EPB41L3: variants seen among roughly 807,000 people sequenced by gnomAD.
The protein encoded by EPB41L3 is band 4.1-like protein 3.
A neutral mutation model predicts 127.1 loss-of-function variants in EPB41L3; 57 were observed. The ratio of observed to expected loss-of-function variants is 0.45; its 90% CI spans 0.36 to 0.56. The LOEUF (loss-of-function observed/expected upper bound fraction) is 0.56. Among genes scored for constraint, EPB41L3 ranks in the 20% least tolerant of loss-of-function variants. EPB41L3 has a pLI of 0.00. For missense variants in EPB41L3, 1,273 were observed against 1,372.2 expected, an observed-to-expected ratio of 0.93 and a Z score of 1.14; for synonymous variants, 572 against 549.5, an observed-to-expected ratio of 1.04 and a Z score of -0.57.
At chr18:5,500,195 G>C (rs1337167471) in intron 1 of EPB41L3, among the ~76,000 whole-genome samples, 4 of 152,066 alleles carry the variant, frequency 2.6e-5, no homozygotes, top group Non-Finnish European at 5.9e-5. Context: ...GCATTCCTTT[G>C]CTAAAATCAA....
chr18:5,572,843 G>A (rs2094297687), intron 3 of EPB41L3, among the ~76,000 whole-genome samples: 1 of 152,144 alleles, frequency 6.6e-6, no homozygotes, highest in Non-Finnish European at 1.5e-5. Flanking sequence ...CAAAGTGCTG[G>A]GATTACAGGC....
intron 8 of EPB41L3, among the ~76,000 whole-genome samples, chr18:5,431,007 G>T (rs140674426): frequency 6.6e-6 from 1 of 152,146 alleles, no homozygotes; most frequent in Non-Finnish European, 1.5e-5. Context: ...AGGGGCATAC[G>T]ATTTCTTTAA....
intron 16 of EPB41L3, among the ~76,000 whole-genome samples, chr18:5,402,204 C>G (rs555401980): frequency 6.7e-6 from 1 of 150,108 alleles, no homozygotes; most frequent in African/African-American, 2.4e-5. Flanking sequence ...AATCTCTATC[C>G]CACTGCATTT....
chr18:5,508,033 T>A (rs917929485), intron 1 of EPB41L3: 2 of 152,108 alleles, frequency 1.3e-5, no homozygotes, highest in Non-Finnish European at 2.9e-5. Context: ...CAGGACTTTC[T>A]CAGGAGGGAG....
At position 5,397,543 on chromosome 18, in the gene EPB41L3, A is replaced by C; in HGVS notation, c.2473-117T>G. The C allele has an allele frequency of 8.1e-7, 1 of 1,229,976 alleles. No homozygotes were observed. 76.2% of individuals were successfully genotyped at this position (1,229,976 alleles called of 1,614,324 possible). A position where few individuals can be genotyped will look rare whatever the true frequency, so the allele number is the denominator to read the frequency against. The stretch of plus-strand genomic sequence containing the variant: ...GCCAGCAGCAAGTGCTTATAACCAG[A>C]AACACTGACGAAAAATATAAATTAG... On this transcript the variant is annotated intron_variant, in intron 17 of 22. Coordinates refer to ENST00000341928, the MANE Select transcript of EPB41L3 (RefSeq NM_012307.5). This position sits in a 1 kb window ranked among gnomAD's most constrained non-coding sequence, Gnocchi z 4.1.
At chr18:5,526,176 A>T (rs893393956) in intron 1 of EPB41L3, among the ~76,000 whole-genome samples, 3 of 152,240 alleles carry the variant, frequency 2.0e-5, no homozygotes, top group Non-Finnish European at 4.4e-5. Flanking sequence ...AAGAGTAATA[A>T]CATCCAATTG....
intron 1 of EPB41L3, among the ~76,000 whole-genome samples, chr18:5,541,004 G>C (rs1235461973): frequency 6.7e-6 from 1 of 148,600 alleles, no homozygotes; most frequent in East Asian, 2.0e-4. Context: ...AGAATGGCGT[G>C]AACCCGGGAG....
At chr18:5,414,500 A>G (rs187779414) in intron 13 of EPB41L3, among the ~76,000 whole-genome samples, 23 of 152,338 alleles carry the variant, frequency 1.5e-4, no homozygotes, top group African/African-American at 5.3e-4. Flanking sequence ...ATAATACTAT[A>G]TACTCACAGG....
intron 12 of EPB41L3, among the ~76,000 whole-genome samples, chr18:5,419,416 A>G (rs2077201215): frequency 6.6e-6 from 1 of 152,250 alleles, no homozygotes; most frequent in South Asian, 2.1e-4. Context: ...GCCCAAACAG[A>G]AAAGTGTAAT....
At chr18:5,414,486 A>G (rs758854100) in intron 13 of EPB41L3, among the ~76,000 whole-genome samples, 31 of 152,318 alleles carry the variant, frequency 2.0e-4, no homozygotes, top group Non-Finnish European at 3.2e-4. Flanking sequence ...CACACCCTCA[A>G]CATATAATAC....
chr18:5,602,515 GCTCACCGTAGC>G (rs1568632256), intron 3 of EPB41L3, among the ~76,000 whole-genome samples: 2 of 152,146 alleles, frequency 1.3e-5, no homozygotes, highest in South Asian at 4.1e-4. Context: ...ATGCATCATA[GCTCACCGTAGC>G]CTCAAACTCC....
At chr18:5,468,277 G>A (rs112815140) in intron 3 of EPB41L3, among the ~76,000 whole-genome samples, 2,331 of 152,254 alleles carry the variant, frequency 0.015, 67 homozygotes, top group African/African-American at 0.052. Context: ...CAGGAGGCCG[G>A]CAGGCTCCTG....
intron 1 of EPB41L3, among the ~76,000 whole-genome samples, chr18:5,490,316 G>A (rs1355779778): frequency 6.6e-6 from 1 of 152,100 alleles, no homozygotes; most frequent in Non-Finnish European, 1.5e-5. Flanking sequence ...ATGAGCAAAG[G>A]ACTAGTGTAG....
intron 1 of EPB41L3, among the ~76,000 whole-genome samples, chr18:5,500,168 C>A (rs2091610893): frequency 6.6e-6 from 1 of 152,090 alleles, no homozygotes; most frequent in Admixed American, 6.6e-5. Flanking sequence ...ATGTCCAACC[C>A]TGTTTAAAAT....
At chr18:5,441,622 T>C (rs370575048) in intron 5 of EPB41L3, among the ~76,000 whole-genome samples, 4,859 of 152,058 alleles carry the variant, frequency 0.032, 88 homozygotes, top group Non-Finnish European at 0.042. Flanking sequence ...CACGCCACCA[T>C]GCCCGGCTAA....
At chr18:5,609,639 A>G (rs1322012132) in intron 3 of EPB41L3, among the ~76,000 whole-genome samples, 2 of 152,346 alleles carry the variant, frequency 1.3e-5, no homozygotes, top group East Asian at 1.9e-4. Context: ...CTCATTTTAT[A>G]TCAACACATC....
At chr18:5,406,413 TCTCAATGGGC>T (rs1437156746) in intron 16 of EPB41L3, among the ~76,000 whole-genome samples, 1 of 152,014 alleles carries the variant, frequency 6.6e-6, no homozygotes, top group Non-Finnish European at 1.5e-5. Context: ...AGTCAAACAA[TCTCAATGGGC>T]CTCAAGCAAA....
intron 3 of EPB41L3, among the ~76,000 whole-genome samples, chr18:5,455,620 CTT>C (rs796533356): frequency 2.9e-5 from 4 of 139,366 alleles, no homozygotes; most frequent in African/African-American, 1.0e-4. Context: ...TTTAAAGGTG[CTT>C]TTTTTTTTTT....
chr18:5,479,428 AAAC>A (rs1193933548), intron 2 of EPB41L3, among the ~76,000 whole-genome samples: 1 of 152,262 alleles, frequency 6.6e-6, no homozygotes, highest in Non-Finnish European at 1.5e-5. Flanking sequence ...CGAAAAGTAA[AAAC>A]AATATTGATG....
Sources: gnomAD v4.1 joint callset for allele counts (sites outside exome capture counted in the v4.1 genomes callset) on GRCh38, gnomAD v4.1.1 for gene constraint, Gnocchi (gnomAD v3.1) non-coding constraint, MANE v1.5 for transcripts, NCBI Gene and HGNC (gene_info 2026-07-23, HGNC 2026-07-21) for gene names.